Variants in DLGAP2 observed in about 807,000 individuals in gnomAD.
DLGAP2 encodes DLG associated protein 2.
Under a neutral mutation model 100.3 loss-of-function variants are expected in DLGAP2, and 26 were observed. The observed-to-expected ratio is 0.26, with a 90% CI of 0.19 to 0.36. The LOEUF is 0.36. Among genes scored for constraint, DLGAP2 ranks in the 10% least tolerant of loss-of-function variants. The pLI is 1.00. For missense variants in DLGAP2, 1,858 were observed against 1,453.2 expected (o/e 1.28, Z -4.53); for synonymous variants, 886 against 630.1 (o/e 1.41, Z -6.08).
intron 3 of DLGAP2, among the ~76,000 whole-genome samples, chr8:1,344,965 G>C (rs544841419): frequency 2.0e-5 from 3 of 152,316 alleles, no homozygotes; most frequent in Non-Finnish European, 2.9e-5. Context: ...CACTACCAGA[G>C]GGCTAGACCG....
intron 8 of DLGAP2, among the ~76,000 whole-genome samples, chr8:1,650,011 T>G (rs1333173840): frequency 6.6e-6 from 1 of 152,256 alleles, no homozygotes; most frequent in African/African-American, 2.4e-5. Flanking sequence ...TCATGGAATT[T>G]CTGGAGAAAA....
intron 1 of DLGAP2, among the ~76,000 whole-genome samples, chr8:862,890 T>C (rs973191586): frequency 5.9e-5 from 9 of 152,204 alleles, no homozygotes; most frequent in African/African-American, 2.2e-4. Flanking sequence ...TTAACATACA[T>C]AATTGATCCA....
At chr8:1,609,648 A>C (rs1444381068) in intron 6 of DLGAP2, among the ~76,000 whole-genome samples, 1 of 116,050 alleles carries the variant, frequency 8.6e-6, no homozygotes, top group Non-Finnish European at 1.9e-5. Flanking sequence ...AACCCATCTC[A>C]CGTGCAGAGA....
intron 2 of DLGAP2, among the ~76,000 whole-genome samples, chr8:1,251,310 TAA>T (rs781310270): frequency 2.0e-5 from 3 of 152,226 alleles, no homozygotes; most frequent in Admixed American, 6.5e-5. Flanking sequence ...CTATGAATAT[TAA>T]GTCAGTATTA....
chr8:1,134,984 T>C (rs1019128179), intron 2 of DLGAP2, among the ~76,000 whole-genome samples: 1 of 152,152 alleles, frequency 6.6e-6, no homozygotes, highest in Non-Finnish European at 1.5e-5. Flanking sequence ...TCAAACTCTA[T>C]TGATTAAACT....
Position 767,676 on chromosome 8 carries a change from A to G in DLGAP2, c.18+29851A>G, listed in dbSNP as rs1821250995. 2.0e-5 allele frequency among the ~76,000 whole-genome samples: 3 copies of G among 152,132 alleles called. No individual in the cohort carries two copies. The South Asian group carries it at 6.2e-4, about 32-fold the overall frequency. ...GGACGGCTGTTTAATTGTTTAAGGTACAAGGAGTTTGTGCATCAATCTTTA... is the reference window on the plus strand; with the variant it reads ...GGACGGCTGTTTAATTGTTTAAGGTGCAAGGAGTTTGTGCATCAATCTTTA... On this transcript the variant is annotated intron_variant, in intron 1 of 14. Transcript: ENST00000637795.
intron 3 of DLGAP2, among the ~76,000 whole-genome samples, chr8:1,488,971 G>A (rs1799300163): frequency 6.6e-6 from 1 of 152,194 alleles, no homozygotes; most frequent in African/African-American, 2.4e-5. Context: ...ATTACAGGAA[G>A]ACACTGGATA....
intron 2 of DLGAP2, among the ~76,000 whole-genome samples, chr8:1,216,752 C>T (rs1798221782): frequency 6.6e-6 from 1 of 152,170 alleles, no homozygotes; most frequent in Non-Finnish European, 1.5e-5. Context: ...ATACATCATC[C>T]TCTCTTCCCC....
Position 836,029 on chromosome 8 carries a change from T to G in DLGAP2, c.19-71883T>G, listed in dbSNP as rs1796868026. Among the ~76,000 whole-genome samples, 2 of 152,198 alleles carry G rather than the reference T, an allele frequency of 1.3e-5. 1 individual carries two copies. The highest frequency in any genetic ancestry group is 2.9e-5 in the Non-Finnish European group (2 of 68,048). On this transcript the variant is annotated intron_variant, in intron 1 of 14. Transcript: ENST00000637795. ...CTTTTTGTCCATGAGTGTGAATGGA[T>G]CCGCACTTAACTCAGAATAAATGCC... is the stretch of plus-strand genomic sequence containing the variant.
At chr8:794,201 C>T (rs948196303) in intron 1 of DLGAP2, among the ~76,000 whole-genome samples, 2 of 131,278 alleles carry the variant, frequency 1.5e-5, no homozygotes, top group African/African-American at 5.8e-5. Context: ...GTGGGTGGGG[C>T]GTGTTTCTAG....
At chr8:1,550,899 G>C (rs181749359) in intron 5 of DLGAP2, among the ~76,000 whole-genome samples, 1 of 152,346 alleles carries the variant, frequency 6.6e-6, no homozygotes. Context: ...TGCTTGCCTA[G>C]AGCAGCGGCT....
chr8:1,697,137 G>A lies in DLGAP2; in HGVS notation c.2797-10G>A. 6.4e-7 allele frequency: 1 copy of A among 1,557,374 alleles called. No individual in the cohort carries two copies. Among genetic ancestry groups the A allele is most frequent in the Non-Finnish European group, 8.7e-7 (1 of 1,150,296 alleles). ...TCTCCTGGCTCTGAACACCCTGTGT[G>A]TGTCCCCAGGACCCCAGCGCCATGC... On this transcript the variant is annotated splice_polypyrimidine_tract_variant and intron_variant, in intron 13 of 14. Transcript: ENST00000637795.
At chr8:858,613 G>C (rs1797328989) in intron 1 of DLGAP2, among the ~76,000 whole-genome samples, 1 of 149,274 alleles carries the variant, frequency 6.7e-6, no homozygotes, top group Admixed American at 6.6e-5. Flanking sequence ...GCACGTGTGT[G>C]ATGCTGTCAC....
At chr8:1,466,064 G>A (rs1264427087) in intron 3 of DLGAP2, among the ~76,000 whole-genome samples, 6 of 152,156 alleles carry the variant, frequency 3.9e-5, no homozygotes, top group African/African-American at 7.2e-5. Context: ...TCGTGACAGC[G>A]CCGTCTGCTT....
intron 3 of DLGAP2, among the ~76,000 whole-genome samples, chr8:1,355,359 G>C (rs568308095): frequency 6.2e-4 from 94 of 152,102 alleles, no homozygotes; most frequent in African/African-American, 2.1e-3. Context: ...AAGTATGAGT[G>C]GTTTTTTGTT....
At chr8:1,113,233 T>G (rs937220696) in intron 2 of DLGAP2, among the ~76,000 whole-genome samples, 4 of 152,238 alleles carry the variant, frequency 2.6e-5, no homozygotes, top group African/African-American at 9.6e-5. Context: ...TTTCTAGTTC[T>G]GTAAAGAGTG....
chr8:1,373,306 G>T (rs1386676388), intron 3 of DLGAP2, among the ~76,000 whole-genome samples: 2 of 151,854 alleles, frequency 1.3e-5, no homozygotes, highest in Non-Finnish European at 2.9e-5. Context: ...CAGGGGCCGC[G>T]GGCGGCAGCT....
intron 1 of DLGAP2, among the ~76,000 whole-genome samples, chr8:825,664 C>T (rs187730890): frequency 3.3e-5 from 5 of 152,226 alleles, no homozygotes. Context: ...TATCAATGAA[C>T]CAGATTTTGG....
At chr8:1,260,950 C>G (rs1799335129) in intron 3 of DLGAP2, among the ~76,000 whole-genome samples, 1 of 152,232 alleles carries the variant, frequency 6.6e-6, no homozygotes, top group Non-Finnish European at 1.5e-5. Flanking sequence ...GTCACTTCCC[C>G]TGGGCACCTG....
Sources: allele counts gnomAD v4.1 joint callset (sites outside exome capture counted in the v4.1 genomes callset), GRCh38; gene constraint gnomAD v4.1.1; transcripts MANE v1.5; gene names NCBI Gene and HGNC (gene_info 2026-07-23, HGNC 2026-07-21).